The following STAU1 variants were observed in gnomAD, a reference collection of about 807,000 sequenced individuals.
STAU1 encodes the protein double-stranded RNA-binding protein Staufen homolog 1.
Under a neutral mutation model 62.9 loss-of-function variants are expected in STAU1, and 13 were observed. The observed-to-expected ratio is 0.21, with a 90% confidence interval of 0.13 to 0.33. The LOEUF (loss-of-function observed/expected upper bound fraction) is 0.33, where lower values mean the gene tolerates loss of function less well. Ranked by LOEUF, STAU1 falls within the 10% of genes least tolerant of loss-of-function variation. STAU1 has a pLI of 1.00. For missense variants in STAU1, 571 were observed against 712.1 expected, an observed-to-expected ratio of 0.80 and a Z score of 2.25; for synonymous variants, 269 against 265.1, an observed-to-expected ratio of 1.01 and a Z score of -0.14.
At chr20:49,199,016 G>A in the STAU1 span, among the ~76,000 whole-genome samples, 1 of 149,422 alleles carries the variant, frequency 6.7e-6, no homozygotes, top group Non-Finnish European at 1.5e-5. Flanking sequence ...CGTGGTGGTG[G>A]GCACCTGTAA....
chr20:49,216,007 C>CAAAAAAAAAAAAAAAAAAAAA, the STAU1 span, among the ~76,000 whole-genome samples: 2 of 36,450 alleles, frequency 5.5e-5, no homozygotes, highest in Admixed American at 4.7e-4. Flanking sequence ...GACTATGTCT[C>CAAAAAAAAAAAAAAAAAAAAA]AAAAAAAAAA....
intron 12 of STAU1, among the ~76,000 whole-genome samples, chr20:49,116,179 C>T (rs1420241029): frequency 6.6e-6 from 1 of 152,004 alleles, no homozygotes; most frequent in East Asian, 1.9e-4. Context: ...ATTTTTCTTT[C>T]TATAGAGACA....
chr20:49,127,711 CAAAA>C (rs952838982), intron 6 of STAU1, among the ~76,000 whole-genome samples: 1 of 147,950 alleles, frequency 6.8e-6, no homozygotes, highest in Non-Finnish European at 1.5e-5. Flanking sequence ...GTCTAAAAAA[CAAAA>C]AAAACTAAAA....
At chr20:49,121,417 C>T (rs1184294040) in intron 8 of STAU1, among the ~76,000 whole-genome samples, 1 of 151,838 alleles carries the variant, frequency 6.6e-6, no homozygotes, top group Non-Finnish European at 1.5e-5. Context: ...TTCCCCTCTA[C>T]CCCAAAAAAA....
At chr20:49,160,892 A>T (rs543804714) in intron 3 of STAU1, among the ~76,000 whole-genome samples, 2 of 152,310 alleles carry the variant, frequency 1.3e-5, no homozygotes, top group African/African-American at 4.8e-5. Context: ...GCAAACAAGC[A>T]GGAGAGGAGC....
the STAU1 span, among the ~76,000 whole-genome samples, chr20:49,201,138 G>T: frequency 6.6e-6 from 1 of 151,380 alleles, no homozygotes; most frequent in Non-Finnish European, 1.5e-5. Context: ...GTCAAGGGCT[G>T]GGGAAGGGAA....
chr20:49,149,251 AACACACACACACACACAC>A (rs34854738), intron 5 of STAU1, among the ~76,000 whole-genome samples: 10 of 131,940 alleles, frequency 7.6e-5, no homozygotes, highest in South Asian at 2.8e-4. Flanking sequence ...ACTGTCTCAA[AACACACACACACACACAC>A]ACACACACAC....
intron 13 of STAU1, among the ~76,000 whole-genome samples, chr20:49,115,191 G>A (rs772204776): frequency 4.6e-5 from 7 of 152,102 alleles, no homozygotes; most frequent in Non-Finnish European, 8.8e-5. Context: ...CTATGGGGGA[G>A]GCGGTGGGGA....
the STAU1 span, among the ~76,000 whole-genome samples, chr20:49,206,903 G>C: frequency 6.6e-6 from 1 of 150,666 alleles, no homozygotes. Flanking sequence ...TTACAGGCGT[G>C]CGCCACCACA....
intron 3 of STAU1, among the ~76,000 whole-genome samples, chr20:49,156,960 T>C (rs139750837): frequency 1.2e-3 from 181 of 151,834 alleles, no homozygotes; most frequent in African/African-American, 4.2e-3. Context: ...CAATGCAACC[T>C]CCACCTCCTG....
chr20:49,135,000 C>T (rs998271650), intron 6 of STAU1: 12 of 1,601,518 alleles, frequency 7.5e-6, no homozygotes, highest in Non-Finnish European at 1.0e-5. Flanking sequence ...AAGAGTCTTT[C>T]AGGACCTGGA....
At chr20:49,190,146 A>T (rs1016133401), upstream of STAU1, among the ~76,000 whole-genome samples, 1 of 152,192 alleles carries the variant, frequency 6.6e-6, no homozygotes, top group Admixed American at 6.6e-5. Context: ...GAGCAGATGC[A>T]GAGAGGTCTC....
intron 3 of STAU1, among the ~76,000 whole-genome samples, chr20:49,157,489 T>A (rs2093379004): frequency 6.6e-6 from 1 of 151,970 alleles, no homozygotes; most frequent in Admixed American, 6.6e-5. Flanking sequence ...AATTTTTTTT[T>A]TTTATTTTTT....
At chr20:49,143,104 T>C (rs1455711646) in intron 5 of STAU1, among the ~76,000 whole-genome samples, 2 of 152,078 alleles carry the variant, frequency 1.3e-5, no homozygotes, top group Non-Finnish European at 2.9e-5. Context: ...CCTGGCTCAT[T>C]AAAAATTTCC....
chr20:49,123,278 G>T, intron 7 of STAU1, 43 bp from the exon 8 acceptor site: 1 of 1,613,448 alleles, frequency 6.2e-7, no homozygotes, highest in Non-Finnish European at 8.5e-7. Context: ...GTTATTCACC[G>T]CATGAACTTG....
chr20:49,146,823 T>C (rs348280), intron 5 of STAU1, among the ~76,000 whole-genome samples: 150,096 of 152,130 alleles, frequency 0.99, 74,054 homozygotes, highest in East Asian at 1. Flanking sequence ...CCTGCCTATA[T>C]GAGATATCTC....
At chr20:49,122,928 A>C (rs2092499852) in intron 8 of STAU1, among the ~76,000 whole-genome samples, 164 bp downstream of exon 8, 3 of 146,736 alleles carry the variant, frequency 2.0e-5, no homozygotes, top group African/African-American at 7.9e-5. Flanking sequence ...AAAATAAATA[A>C]ATAAATAAAT....
chr20:49,122,248 T>A (rs1490054947), intron 8 of STAU1, among the ~76,000 whole-genome samples: 1 of 152,166 alleles, frequency 6.6e-6, no homozygotes, highest in Admixed American at 6.5e-5. Flanking sequence ...TCCATACTAA[T>A]CTGAAGTGTC....
intron 3 of STAU1, among the ~76,000 whole-genome samples, chr20:49,158,671 G>A (rs953320159): frequency 1.8e-4 from 28 of 152,122 alleles, no homozygotes; most frequent in African/African-American, 6.3e-4. Flanking sequence ...TTAGCCAGGC[G>A]TGGTGGCATG....
Sources: gnomAD v4.1 joint callset for allele counts (sites outside exome capture counted in the v4.1 genomes callset) on GRCh38, gnomAD v4.1.1 for gene constraint, MANE v1.5 for transcripts, NCBI Gene and HGNC (gene_info 2026-07-23, HGNC 2026-07-21) for gene names.